TAF4B: variants seen among roughly 807,000 people sequenced by gnomAD.
The protein encoded by TAF4B is transcription initiation factor TFIID subunit 4B.
A neutral mutation model predicts 86.4 loss-of-function variants in TAF4B; 38 were observed. That is an observed-to-expected ratio of 0.44 (90% CI 0.34 to 0.58). The LOEUF (loss-of-function observed/expected upper bound fraction) is 0.58, where lower values mean the gene tolerates loss of function less well. TAF4B is among the 20% of genes least tolerant of loss of function. TAF4B has a pLI of 0.02. For missense variants in TAF4B, 988 were observed against 1,027.6 expected, an observed-to-expected ratio of 0.96 and a Z score of 0.53; for synonymous variants, 388 against 391.2, an observed-to-expected ratio of 0.99 and a Z score of 0.10.
At chr18:26,295,306 G>T (rs2056649167) in intron 9 of TAF4B, 1 of 282,200 alleles carries the variant, frequency 3.5e-6, no homozygotes, top group Non-Finnish European at 7.1e-6. Context: ...CCTCAGGAAA[G>T]GCTCACAGGT....
intron 9 of TAF4B, among the ~76,000 whole-genome samples, chr18:26,307,006 G>C (rs906452585): frequency 6.6e-6 from 1 of 151,858 alleles, no homozygotes. Flanking sequence ...TGGTCAGATG[G>C]TCTCGATCTC....
At chr18:26,385,633 T>C (rs1231343892) in intron 14 of TAF4B, among the ~76,000 whole-genome samples, 1 of 152,092 alleles carries the variant, frequency 6.6e-6, no homozygotes, top group Non-Finnish European at 1.5e-5. Context: ...GAAAACCTTC[T>C]ATTTCCGAAG....
chr18:26,244,841 C>T (rs1310832682), intron 1 of TAF4B, among the ~76,000 whole-genome samples: 19 of 152,110 alleles, frequency 1.2e-4, no homozygotes, highest in South Asian at 2.1e-4. Context: ...GGCATTAGGA[C>T]GCAGGAGGCA....
At chr18:26,243,097 G>A (rs12955075) in intron 1 of TAF4B, among the ~76,000 whole-genome samples, 5,069 of 152,096 alleles carry the variant, frequency 0.033, 124 homozygotes, top group East Asian at 0.049. Context: ...TCTTTGTGGC[G>A]TTCTCTGTAT....
At chr18:26,243,756 A>G (rs2055878883) in intron 1 of TAF4B, among the ~76,000 whole-genome samples, 1 of 152,056 alleles carries the variant, frequency 6.6e-6, no homozygotes, top group South Asian at 2.1e-4. Flanking sequence ...TGATGTACAG[A>G]TGGGGTTTTG....
In TAF4B at chr18:26,226,824, G is replaced by A. The variant is rs2055581854; in HGVS notation, c.-110G>A. 2 of 896,150 alleles carry A rather than the reference G, an allele frequency of 2.2e-6. No homozygotes were observed. Among genetic ancestry groups the A allele is most frequent in the South Asian group, 3.1e-5 (1 of 31,930 alleles). 55.5% of individuals were successfully genotyped at this position (896,150 alleles called of 1,614,324 possible). On this transcript the variant is annotated 5_prime_UTR_variant, in exon 1 of 15. Transcript: ENST00000269142. ...GCTGCGGCCCCCGCGCCTCTCCCCA[G>A]CGATGCTGTGGAACCCGAACCGCAC...
chr18:26,244,461 A>C (rs2055891272), intron 1 of TAF4B, among the ~76,000 whole-genome samples: 1 of 152,184 alleles, frequency 6.6e-6, no homozygotes, highest in South Asian at 2.1e-4. Context: ...CTGATTTTCC[A>C]GGTACTGTCT....
intron 14 of TAF4B, among the ~76,000 whole-genome samples, chr18:26,388,786 G>A (rs1978529273): frequency 6.6e-6 from 1 of 152,076 alleles, no homozygotes; most frequent in Non-Finnish European, 1.5e-5. Context: ...CAGTGGTTAA[G>A]AGTGCTTACT....
At chr18:26,231,075 T>C (rs1263150394) in intron 1 of TAF4B, among the ~76,000 whole-genome samples, 2 of 141,604 alleles carry the variant, frequency 1.4e-5, no homozygotes, top group Non-Finnish European at 3.0e-5. Flanking sequence ...ATTTTGCCCT[T>C]GTTGCCCAGG....
At chr18:26,373,951 G>A (rs941730436) in intron 14 of TAF4B, among the ~76,000 whole-genome samples, 9 of 152,146 alleles carry the variant, frequency 5.9e-5, no homozygotes, top group African/African-American at 2.2e-4. Flanking sequence ...AGGGATGTAC[G>A]AGGGGAGCCC....
At chr18:26,244,116 A>G (rs2055885109) in intron 1 of TAF4B, among the ~76,000 whole-genome samples, 2 of 152,170 alleles carry the variant, frequency 1.3e-5, no homozygotes, top group African/African-American at 4.8e-5. Flanking sequence ...TCCGACAGGG[A>G]TGTTTATGTC....
chr18:26,353,035 G>C (rs868683599), intron 13 of TAF4B, among the ~76,000 whole-genome samples: 40 of 152,166 alleles, frequency 2.6e-4, no homozygotes, highest in Admixed American at 2.3e-3. Flanking sequence ...GCCTCTTCCA[G>C]ACAATAGAAG....
intron 9 of TAF4B, among the ~76,000 whole-genome samples, chr18:26,306,730 A>G (rs1009517009): frequency 1.3e-5 from 2 of 151,884 alleles, no homozygotes; most frequent in Non-Finnish European, 2.9e-5. Flanking sequence ...TTTTAAATTT[A>G]ATTTTGCTTC....
At chr18:26,302,641 G>A (rs866359133) in intron 9 of TAF4B, among the ~76,000 whole-genome samples, 9 of 152,012 alleles carry the variant, frequency 5.9e-5, no homozygotes, top group African/African-American at 1.7e-4. Context: ...GGGATTACAG[G>A]TGTGAGCCAT....
intron 14 of TAF4B, among the ~76,000 whole-genome samples, chr18:26,375,102 C>T (rs569257703): frequency 3.9e-5 from 6 of 152,226 alleles, no homozygotes; most frequent in South Asian, 2.1e-4. Context: ...TCCTGACAAC[C>T]GGTAATCTAT....
intron 1 of TAF4B, among the ~76,000 whole-genome samples, chr18:26,239,617 T>C (rs796664903): frequency 6.6e-6 from 1 of 152,242 alleles, no homozygotes; most frequent in South Asian, 2.1e-4. Flanking sequence ...CAATTTTGGC[T>C]TTTGTTGCCA....
chr18:26,253,635 G>A (rs1033281804), intron 1 of TAF4B, among the ~76,000 whole-genome samples: 1 of 152,100 alleles, frequency 6.6e-6, no homozygotes, highest in Non-Finnish European at 1.5e-5. Context: ...GGAATACTTT[G>A]TGAAGGATTA....
intron 9 of TAF4B, among the ~76,000 whole-genome samples, chr18:26,296,426 C>T (rs1208094196): frequency 6.8e-6 from 1 of 147,466 alleles, no homozygotes; most frequent in East Asian, 2.1e-4. Context: ...CCCTGTCTCT[C>T]TTTTCTGCAG....
chr18:26,326,534 TA>T (rs1466948754), intron 11 of TAF4B, among the ~76,000 whole-genome samples: 1 of 152,252 alleles, frequency 6.6e-6, no homozygotes, highest in East Asian at 1.9e-4. Context: ...CTAATCATGG[TA>T]ACCAAGGTGA....
Sources: allele counts gnomAD v4.1 joint callset (sites outside exome capture counted in the v4.1 genomes callset), GRCh38; gene constraint gnomAD v4.1.1; transcripts MANE v1.5; gene names NCBI Gene and HGNC (gene_info 2026-07-23, HGNC 2026-07-21).